Variants in ATP9A observed in about 807,000 individuals in gnomAD.
The protein encoded by ATP9A is ATPase phospholipid transporting 9A.
Under a neutral mutation model 144.1 loss-of-function variants are expected in ATP9A, and 52 were observed. The observed-to-expected ratio is 0.36, with a 90% CI of 0.29 to 0.45. The LOEUF is 0.45. ATP9A is among the 20% of genes least tolerant of loss of function. ATP9A has a pLI of 1.00. For missense variants in ATP9A, 947 were observed against 1,392.7 expected (o/e 0.68, Z 5.09); for synonymous variants, 582 against 557.4 (o/e 1.04, Z -0.62).
At chr20:51,722,154 C>A (rs1300140756) in intron 3 of ATP9A, among the ~76,000 whole-genome samples, 2 of 152,158 alleles carry the variant, frequency 1.3e-5, no homozygotes, top group African/African-American at 2.4e-5. Context: ...GAGAATGAAA[C>A]TGGATCCTCA....
Position 51,725,867 on chromosome 20 carries a change from A to C in ATP9A, c.279T>G (p.Phe93Leu). 1 of 1,613,952 alleles carries C rather than the reference A, an allele frequency of 6.2e-7. No homozygotes were observed. The highest frequency in any genetic ancestry group is 8.5e-7 in the Non-Finnish European group (1 of 1,179,778). The change falls in exon 3 of 28, where the codon TTT becomes TTG. Residue 93 changes from phenylalanine (F) to leucine (L), a missense_variant. Coordinates refer to ENST00000338821, the MANE Select transcript of ATP9A (RefSeq NM_006045.3). ...LYFLLLACSQ[F>L]VPEMRLGALY... is the part of the protein sequence containing the mutation. ...GTGCACCAAGTCTCATTTCGGGAAC[A>C]AACTGAGAGCAGGCAAGAAGTAAGA...
At chr20:51,677,919 C>T (rs1452104039) in intron 9 of ATP9A, among the ~76,000 whole-genome samples, 2 of 152,062 alleles carry the variant, frequency 1.3e-5, no homozygotes, top group Non-Finnish European at 2.9e-5. Flanking sequence ...TGCTGGCTGA[C>T]GTGCACACTG....
At chr20:51,702,025 CGTG>C (rs1406786220) in intron 4 of ATP9A, among the ~76,000 whole-genome samples, 1 of 151,060 alleles carries the variant, frequency 6.6e-6, no homozygotes, top group Non-Finnish European at 1.5e-5. Flanking sequence ...TTAGGCCAGG[CGTG>C]GTGGCTCATG....
intron 22 of ATP9A, among the ~76,000 whole-genome samples, chr20:51,615,538 C>G (rs1484390865): frequency 1.3e-5 from 2 of 152,108 alleles, no homozygotes; most frequent in African/African-American, 2.4e-5. Flanking sequence ...CACTCATAAC[C>G]AGTAATATAC....
intron 1 of ATP9A, among the ~76,000 whole-genome samples, chr20:51,763,718 C>A (rs2077892366): frequency 6.6e-6 from 1 of 152,124 alleles, no homozygotes; most frequent in Non-Finnish European, 1.5e-5. Flanking sequence ...CTTTCTCAAT[C>A]TGATTCATAT....
chr20:51,702,365 C>CGTGTGTGTGTGTGTGTGTGTGT (rs10578719), intron 4 of ATP9A, among the ~76,000 whole-genome samples: 1 of 130,220 alleles, frequency 7.7e-6, no homozygotes, highest in East Asian at 2.2e-4. Context: ...TGTGTGTGTT[C>CGTGTGTGTGTGTGTGTGTGTGT]GTGTGTGTGT....
At chr20:51,768,273 A>C in intron 1 of ATP9A, 29 bp downstream of exon 1, 1 of 1,241,272 alleles carries the variant, frequency 8.1e-7, no homozygotes, top group Non-Finnish European at 1.0e-6. Flanking sequence ...GGCGCGGACA[A>C]AGGAAAACAC....
In ATP9A at chr20:51,604,923, G is replaced by C. The variant is rs775619015; in HGVS notation, c.2901C>G (p.Leu967=). ...AGGTCTGGATGGTCAGCGCCACCAT[G>C]AGCAGCTCGGTGAGGATCAGCGAGG... ...SFTSLILTEL[L]MVALTIQTWH... is the part of the protein sequence containing the mutation. The change falls in exon 27 of 28, where the codon CTC becomes CTG. Residue 967 remains leucine (L), a synonymous_variant. Transcript: ENST00000338821. The C allele has an allele frequency of 3.1e-6, 5 of 1,613,132 alleles. No homozygotes were observed. The South Asian group carries it at 5.5e-5, about 18-fold the overall frequency.
chr20:51,755,298 G>A (rs1200302253), intron 1 of ATP9A, among the ~76,000 whole-genome samples: 1 of 151,694 alleles, frequency 6.6e-6, no homozygotes, highest in Admixed American at 6.6e-5. Flanking sequence ...TAGCTGGCGT[G>A]GTGCCACGGG....
At chr20:51,668,942 T>C (rs983089042) in intron 13 of ATP9A, among the ~76,000 whole-genome samples, 2 of 152,238 alleles carry the variant, frequency 1.3e-5, no homozygotes, top group African/African-American at 4.8e-5. Flanking sequence ...TCAGGGATTC[T>C]GCCTTTAACC....
intron 1 of ATP9A, among the ~76,000 whole-genome samples, chr20:51,732,077 G>A (rs6021405): frequency 0.46 from 69,535 of 151,628 alleles, 16,287 homozygotes; most frequent in South Asian, 0.53. Flanking sequence ...CAGCTCATTG[G>A]TGCCAACATC....
intron 9 of ATP9A, among the ~76,000 whole-genome samples, chr20:51,682,329 G>C (rs2077503219): frequency 6.6e-6 from 1 of 152,100 alleles, no homozygotes; most frequent in African/African-American, 2.4e-5. Flanking sequence ...AGAAGGCTTA[G>C]AAAAGAAGAA....
chr20:51,757,050 C>T (rs921914998), intron 1 of ATP9A, among the ~76,000 whole-genome samples: 9 of 152,230 alleles, frequency 5.9e-5, no homozygotes, highest in Middle Eastern at 3.4e-3. Flanking sequence ...TGGAGACATT[C>T]TTGATTGTCA....
chr20:51,686,340 T>C (rs2077522803), intron 9 of ATP9A, among the ~76,000 whole-genome samples: 1 of 149,608 alleles, frequency 6.7e-6, no homozygotes, highest in Non-Finnish European at 1.5e-5. Context: ...GTTGTGCACA[T>C]GTACCCTAGA....
chr20:51,660,076 C>A (rs1477407930), intron 13 of ATP9A, among the ~76,000 whole-genome samples: 1 of 152,074 alleles, frequency 6.6e-6, no homozygotes, highest in Non-Finnish European at 1.5e-5. Context: ...AAATCGAGAA[C>A]CCTTTTTTTA....
At chr20:51,758,459 T>C (rs1030265799) in intron 1 of ATP9A, among the ~76,000 whole-genome samples, 2 of 152,140 alleles carry the variant, frequency 1.3e-5, no homozygotes, top group East Asian at 1.9e-4. Flanking sequence ...TAAAAGAACA[T>C]TCTGTTCTGA....
At position 51,599,082 on chromosome 20, in the gene ATP9A, G is replaced by C. The variant is rs1241615585; in HGVS notation, c.*2129C>G. ...AATCAAAATTGAGAATTAAGGAAAA[G>C]GCCAGGGAGACCATCTTCATTCTGC... On this transcript the variant is annotated 3_prime_UTR_variant, in exon 28 of 28. Transcript: ENST00000338821. The C allele has an allele frequency of 6.6e-6, 1 of 152,168 alleles. No individual in the cohort carries two copies. The allele number at this position is 152,168 out of a possible 1,614,324, so 9.4% of individuals were successfully genotyped here.
At position 51,601,097 on chromosome 20, in the gene ATP9A, G is replaced by A; in HGVS notation, c.*114C>T. On this transcript the variant is annotated 3_prime_UTR_variant, in exon 28 of 28. Coordinates refer to ENST00000338821, the MANE Select transcript of ATP9A (RefSeq NM_006045.3). ...CGCAGAGCCACTTCCCATTAAAACT[G>A]CATGTGTTAGCAATTACTGCAAAAT... 1 of 1,305,780 alleles carries A rather than the reference G, an allele frequency of 7.7e-7. No homozygotes were observed. The highest frequency in any genetic ancestry group is 1.0e-6 in the Non-Finnish European group (1 of 964,874). 80.9% of individuals were successfully genotyped at this position (1,305,780 alleles called of 1,614,324 possible). A position where few individuals can be genotyped will look rare whatever the true frequency, so the allele number is the denominator to read the frequency against.
intron 19 of ATP9A, among the ~76,000 whole-genome samples, chr20:51,620,917 G>C (rs1414259625): frequency 6.6e-6 from 1 of 152,094 alleles, no homozygotes; most frequent in Non-Finnish European, 1.5e-5. Context: ...GGAGGCTGAA[G>C]TGGGAGAATC....
Sources: allele counts gnomAD v4.1 joint callset (sites outside exome capture counted in the v4.1 genomes callset), GRCh38; gene constraint gnomAD v4.1.1; transcripts MANE v1.5; gene names NCBI Gene and HGNC (gene_info 2026-07-23, HGNC 2026-07-21).